Variants in ADARB2 observed in about 807,000 individuals in gnomAD.
The protein encoded by ADARB2 is inactive double-stranded RNA-specific editase B2.
Under a neutral mutation model 62.2 loss-of-function variants are expected in ADARB2, and 25 were observed. That is an observed-to-expected ratio of 0.40 (90% CI 0.29 to 0.56). ADARB2 has a LOEUF of 0.56. Ranked by LOEUF, ADARB2 falls within the 20% of genes least tolerant of loss-of-function variation. The pLI is 0.43. For missense variants in ADARB2, 1,071 were observed against 1,077.4 expected (o/e 0.99, Z 0.08); for synonymous variants, 572 against 500.8 (o/e 1.14, Z -1.90).
chr10:1,670,819 G>A (rs1057133428), intron 1 of ADARB2, among the ~76,000 whole-genome samples: 4 of 152,236 alleles, frequency 2.6e-5, no homozygotes, highest in Non-Finnish European at 5.9e-5. Context: ...TTCTGTAAGA[G>A]CAGGAGCAGG....
chr10:1,341,232 G>A (rs1832023845), intron 3 of ADARB2, among the ~76,000 whole-genome samples: 2 of 151,304 alleles, frequency 1.3e-5, no homozygotes, highest in African/African-American at 4.9e-5. Flanking sequence ...CCCCACAGTG[G>A]CAATAACCAG....
intron 1 of ADARB2, among the ~76,000 whole-genome samples, chr10:1,560,265 AAG>A (rs959847006): frequency 1.3e-5 from 2 of 152,222 alleles, no homozygotes; most frequent in African/African-American, 4.8e-5. Context: ...TGTTCCTGCC[AAG>A]AGGTCAGGAG....
chr10:1,368,590 G>T (rs1184342760), intron 2 of ADARB2, among the ~76,000 whole-genome samples: 1 of 152,148 alleles, frequency 6.6e-6, no homozygotes, highest in Non-Finnish European at 1.5e-5. Flanking sequence ...GAGTTTTTGA[G>T]GGAGTTTTGC....
chr10:1,613,184 A>G (rs1291102193), intron 1 of ADARB2, among the ~76,000 whole-genome samples: 1 of 152,232 alleles, frequency 6.6e-6, no homozygotes, highest in African/African-American at 2.4e-5. Flanking sequence ...AGAAATGTAC[A>G]AAGAAAGGCG....
intron 1 of ADARB2, among the ~76,000 whole-genome samples, chr10:1,560,963 T>G (rs1293668491): frequency 6.6e-6 from 1 of 152,202 alleles, no homozygotes; most frequent in Non-Finnish European, 1.5e-5. Flanking sequence ...TACTACAGAC[T>G]TGGGTTTCTA....
intron 4 of ADARB2, among the ~76,000 whole-genome samples, chr10:1,243,427 G>C (rs965367662): frequency 6.6e-6 from 1 of 152,352 alleles, no homozygotes; most frequent in East Asian, 1.9e-4. Context: ...TTAATGTCAC[G>C]CCAGAAGCAG....
At chr10:1,432,226 T>A (rs1453645185) in intron 1 of ADARB2, among the ~76,000 whole-genome samples, 1 of 152,304 alleles carries the variant, frequency 6.6e-6, no homozygotes, top group Non-Finnish European at 1.5e-5. Context: ...ATGATATCTT[T>A]GAATGATAGA....
Position 1,575,331 on chromosome 10 carries a change from G to A in ADARB2, c.100+161720C>T, listed in dbSNP as rs539519188. Among the ~76,000 whole-genome samples, 34 of 152,338 alleles carry A rather than the reference G, an allele frequency of 2.2e-4. No individual in the cohort carries two copies. In the South Asian group the frequency reaches 6.2e-3, roughly 28 times the overall value. On this transcript the variant is annotated intron_variant, in intron 1 of 9. Transcript: ENST00000381312. ...CCAGTCTGCTCAGCTCATTAAAAAG[G>A]TAGTGGCTGGATTCTGTAGTCTCAG...
At chr10:1,527,342 T>C (rs528058902) in intron 1 of ADARB2, among the ~76,000 whole-genome samples, 1 of 152,360 alleles carries the variant, frequency 6.6e-6, no homozygotes, top group Non-Finnish European at 1.5e-5. Flanking sequence ...TCGGTGGTTA[T>C]GAGGGAGTTT....
intron 4 of ADARB2, among the ~76,000 whole-genome samples, 178 bp from the exon 5 acceptor site, chr10:1,242,477 C>T (rs751135427): frequency 1.8e-4 from 28 of 152,356 alleles, no homozygotes; most frequent in Non-Finnish European, 3.1e-4. Context: ...GGTGACCGCC[C>T]GCCTGAGGGA....
chr10:1,731,140 G>A (rs1835225999), intron 1 of ADARB2, among the ~76,000 whole-genome samples: 1 of 152,170 alleles, frequency 6.6e-6, no homozygotes, highest in East Asian at 1.9e-4. Flanking sequence ...CTCTTGAAAA[G>A]CAAACATGTC....
chr10:1,498,447 T>C (rs953983050), intron 1 of ADARB2, among the ~76,000 whole-genome samples: 2 of 151,820 alleles, frequency 1.3e-5, no homozygotes, highest in African/African-American at 4.8e-5. Flanking sequence ...AAAAGAAAAC[T>C]ATTTGGAGTG....
intron 1 of ADARB2, among the ~76,000 whole-genome samples, chr10:1,584,918 T>C (rs1833154321): frequency 6.6e-6 from 1 of 151,990 alleles, no homozygotes; most frequent in South Asian, 2.1e-4. Flanking sequence ...TTGCAGACAA[T>C]GAAAAGATCA....
intron 1 of ADARB2, among the ~76,000 whole-genome samples, chr10:1,478,192 T>C (rs895093628): frequency 2.0e-4 from 30 of 152,324 alleles, no homozygotes; most frequent in Middle Eastern, 3.4e-3. Flanking sequence ...AGGAAGTACA[T>C]AGCATTCAGG....
chr10:1,317,962 C>T (rs1225903524), intron 3 of ADARB2, among the ~76,000 whole-genome samples: 6 of 152,174 alleles, frequency 3.9e-5, no homozygotes, highest in East Asian at 1.9e-4. Context: ...CCTCAATCCC[C>T]GGTGTGAGTG....
intron 1 of ADARB2, among the ~76,000 whole-genome samples, chr10:1,650,815 C>A (rs556232530): frequency 1.2e-3 from 182 of 152,266 alleles, no homozygotes; most frequent in African/African-American, 4.3e-3. Context: ...GGGACATTTG[C>A]CCCTAGCAGA....
chr10:1,431,722 T>C (rs925493549), intron 1 of ADARB2, among the ~76,000 whole-genome samples: 3 of 152,116 alleles, frequency 2.0e-5, no homozygotes, highest in Admixed American at 2.0e-4. Context: ...CTGAGAAAGA[T>C]ACACAAAGAG....
chr10:1,245,772 A>G (rs1178400730), intron 4 of ADARB2, among the ~76,000 whole-genome samples: 21 of 152,122 alleles, frequency 1.4e-4, no homozygotes, highest in Non-Finnish European at 2.2e-4. Context: ...AGTCTTTGCT[A>G]TCATGAATAG....
intron 3 of ADARB2, among the ~76,000 whole-genome samples, chr10:1,319,230 A>G (rs1223756737): frequency 2.0e-5 from 3 of 152,228 alleles, no homozygotes; most frequent in African/African-American, 7.2e-5. Flanking sequence ...TAAGTTCAGT[A>G]AAGGTTTCTA....
Sources: gnomAD v4.1 joint callset for allele counts (sites outside exome capture counted in the v4.1 genomes callset) on GRCh38, gnomAD v4.1.1 for gene constraint, MANE v1.5 for transcripts, NCBI Gene and HGNC (gene_info 2026-07-23, HGNC 2026-07-21) for gene names.